The following C1orf226 variants were observed in gnomAD, a reference collection of about 807,000 sequenced individuals.
C1orf226 encodes the protein uncharacterized protein C1orf226.
In C1orf226, 4 loss-of-function variants were observed where a neutral mutation model predicts 10.5. That is an observed-to-expected ratio of 0.38 (90% CI 0.19 to 0.87). The LOEUF is 0.87. Ranked by LOEUF, C1orf226 falls within the 40% of genes least tolerant of loss-of-function variation. The pLI, the probability that C1orf226 is intolerant of heterozygous loss-of-function variation, is 0.41. For missense variants in C1orf226, 313 were observed against 336.2 expected (o/e 0.93, Z 0.54); for synonymous variants, 125 against 139.3 (o/e 0.90, Z 0.72).
In C1orf226 at chr1:162,383,306, C is replaced by G. The variant is rs752820807; in HGVS notation, c.442C>G (p.Leu148Val). The change falls in exon 2 of 2, where the codon CTG becomes GTG. Residue 148 changes from leucine to valine, a missense_variant. Coordinates refer to ENST00000458626, the MANE Select transcript of C1orf226 (RefSeq NM_001085375.2). ...LISSQPVLSS[L>V]EYGTEPSPGQ... ...TTCATCACAGCCTGTCCTCAGCAGT[C>G]TGGAGTATGGGACAGAGCCATCACC... is the stretch of plus-strand genomic sequence containing the variant. The G allele has an allele frequency of 1.2e-6, 2 of 1,613,278 alleles. No individual in the cohort carries two copies. The highest frequency in any genetic ancestry group is 1.7e-5 in the Admixed American group (1 of 59,924).
chr1:162,379,047 T>G (rs1248578602), upstream of C1orf226: 2 of 1,497,454 alleles, frequency 1.3e-6, no homozygotes, highest in South Asian at 1.2e-5. Context: ...ATATCCTGTT[T>G]TTTTGTGGAT....
chr1:162,381,324 A>T, upstream of C1orf226, among the ~76,000 whole-genome samples: 1 of 152,278 alleles, frequency 6.6e-6, no homozygotes, highest in South Asian at 2.1e-4. Flanking sequence ...CTGAACCACC[A>T]CTTAGCACCT....
chr1:162,379,647 G>A (rs1370883817), upstream of C1orf226, among the ~76,000 whole-genome samples: 1 of 152,166 alleles, frequency 6.6e-6, no homozygotes, highest in Non-Finnish European at 1.5e-5. Flanking sequence ...TGCATGGTAG[G>A]CTATCTTTAC....
At chr1:162,382,338 T>C in intron 1 of C1orf226, 120 bp downstream of exon 1, 2 of 1,294,196 alleles carry the variant, frequency 1.5e-6, no homozygotes, top group Non-Finnish European at 2.1e-6. Flanking sequence ...GAGATTGTCC[T>C]GTACTGAAAA....
chr1:162,379,004 C>T (rs1385325268), upstream of C1orf226: 1 of 1,550,870 alleles, frequency 6.4e-7, no homozygotes, highest in Admixed American at 2.0e-5. Context: ...TGTTTCCCAC[C>T]TGCTTTCCGA....
At chr1:162,379,082 T>C, upstream of C1orf226, 1 of 1,232,488 alleles carries the variant, frequency 8.1e-7, no homozygotes, top group Non-Finnish European at 1.2e-6. Context: ...GATGCCCTCC[T>C]CTGCTTGGGT....
chr1:162,382,808 G>A (rs79470253), intron 1 of C1orf226, among the ~76,000 whole-genome samples: 1 of 152,168 alleles, frequency 6.6e-6, no homozygotes, highest in East Asian at 1.9e-4. Flanking sequence ...CTACCAACAG[G>A]CTCTTTCCAG....
chr1:162,381,128 G>A (rs948604800), upstream of C1orf226, among the ~76,000 whole-genome samples: 2 of 152,232 alleles, frequency 1.3e-5, no homozygotes, highest in Non-Finnish European at 2.9e-5. Context: ...AGCCCTGCTA[G>A]TATTTAGCTG....
At chr1:162,382,492 G>T (rs1246966693) in intron 1 of C1orf226, among the ~76,000 whole-genome samples, 1 of 101,828 alleles carries the variant, frequency 9.8e-6, no homozygotes, top group South Asian at 3.7e-4. Context: ...TGTGCTGCAG[G>T]CTATAGTTGC....
rs1473213716 is a variant in C1orf226, at chr1:162,382,205, C to A, written c.304C>A (p.Leu102Ile). The A allele has an allele frequency of 6.4e-7, 1 of 1,571,030 alleles. No individual in the cohort carries two copies. Among genetic ancestry groups the A allele is most frequent in the South Asian group, 1.2e-5 (1 of 84,980 alleles). ...SGTDAAPEAW[L>I]EDERSVLQET... Reference sequence around the variant, plus strand: ...GACTGACGCGGCTCCAGAGGCTTGGCTAGAGGATGAAAGGTGAGCCCCTCA... The same window carrying A: ...GACTGACGCGGCTCCAGAGGCTTGGATAGAGGATGAAAGGTGAGCCCCTCA... The change falls in exon 1 of 2, where the codon CTA (leucine) becomes ATA (isoleucine). Residue 102 changes from leucine (L) to isoleucine (I), a missense_variant. Leu to Ile is a conservative substitution (Grantham distance 5, BLOSUM62 2). Transcript: ENST00000458626.
In C1orf226 at chr1:162,383,545, C is replaced by G; in HGVS notation, c.681C>G (p.Ile227Met). 2 of 1,606,264 alleles carry G rather than the reference C, an allele frequency of 1.2e-6. No individual in the cohort carries two copies. Among genetic ancestry groups the G allele is most frequent in the Non-Finnish European group, 1.7e-6 (2 of 1,176,006 alleles). The change falls in exon 2 of 2, where the codon ATC becomes ATG. Residue 227 changes from isoleucine to methionine, a missense_variant. Transcript: ENST00000458626. ...ECRRASSPSL[I>M]ERNGFKLSLS... ...GAAGGGCCTCCTCCCCCAGCCTTAT[C>G]GAGAGGAATGGCTTCAAACTCAGCT...
upstream of C1orf226, among the ~76,000 whole-genome samples, chr1:162,380,873 G>T (rs1037226501): frequency 6.6e-6 from 1 of 152,208 alleles, no homozygotes; most frequent in Non-Finnish European, 1.5e-5. Context: ...AGCACAGCTA[G>T]GTACCAAACC....
chr1:162,383,116 G>A, intron 1 of C1orf226, 66 bp from the exon 2 acceptor site: 1 of 1,469,458 alleles, frequency 6.8e-7, no homozygotes, highest in South Asian at 1.4e-5. Context: ...GGAGAAGCAA[G>A]ATGGCAGGTG....
upstream of C1orf226, among the ~76,000 whole-genome samples, chr1:162,380,396 A>C (rs529029479): frequency 6.6e-6 from 1 of 152,352 alleles, no homozygotes; most frequent in African/African-American, 2.4e-5. Context: ...AAAGGATAGC[A>C]CCACTGAAAC....
chr1:162,382,174 C>T lies in C1orf226; in HGVS notation c.273C>T (p.Ala91=), dbSNP rs1440084459. 1 of 1,588,720 alleles carries T rather than the reference C, an allele frequency of 6.3e-7. No homozygotes were observed. Among genetic ancestry groups the T allele is most frequent in the Non-Finnish European group, 8.6e-7 (1 of 1,167,672 alleles). The change falls in exon 1 of 2, where the codon GCC becomes GCT. Residue 91 remains alanine (A), a synonymous_variant. Coordinates refer to ENST00000458626, the MANE Select transcript of C1orf226 (RefSeq NM_001085375.2). ...EINKTAGAQL[A]SGTDAAPEAW... ...ACAAGACTGCAGGAGCACAGCTGGCCAGTGGGACTGACGCGGCTCCAGAGG... is the reference window on the plus strand; with the variant it reads ...ACAAGACTGCAGGAGCACAGCTGGCTAGTGGGACTGACGCGGCTCCAGAGG...
At position 162,383,402 on chromosome 1, in the gene C1orf226, A is replaced by G; in HGVS notation, c.538A>G (p.Thr180Ala). 1 of 1,592,286 alleles carries G rather than the reference A, an allele frequency of 6.3e-7. No individual in the cohort carries two copies. The highest frequency in any genetic ancestry group is 8.6e-7 in the Non-Finnish European group (1 of 1,169,230). Residue 180 changes from threonine to alanine, a missense_variant, in exon 2 of 2, where the codon ACC becomes GCC. Transcript: ENST00000458626. ...AGCAGACGCTTCACAGCCAGAGGCC[A>G]CCATGGAAAGAGAAGAGAGAGGCAA... ...VPADASQPEATMEREERGKVL... is the reference protein window; with the variant it reads ...VPADASQPEAAMEREERGKVL...
Position 162,383,511 on chromosome 1 carries a change from C to G in C1orf226, c.647C>G (p.Thr216Ser), listed in dbSNP as rs768734941. 1 of 1,604,916 alleles carries G rather than the reference C, an allele frequency of 6.2e-7. No individual in the cohort carries two copies. ...CAGGACGAATCCAAGCTAAAGATGA[C>G]TGAGTGCAGAAGGGCCTCCTCCCCC... is the stretch of plus-strand genomic sequence containing the variant. Reference protein sequence around the residue: ...DSQDESKLKMTECRRASSPSL... With the variant: ...DSQDESKLKMSECRRASSPSL... Residue 216 changes from threonine (T) to serine (S), a missense_variant, in exon 2 of 2, where the codon ACT (threonine) becomes AGT (serine). Thr to Ser is a moderately conservative substitution (Grantham distance 58, BLOSUM62 1). Transcript: ENST00000458626.
At position 162,383,776 on chromosome 1, in the gene C1orf226, C is replaced by T. The variant is rs1246415383; in HGVS notation, c.*93C>T. On this transcript the variant is annotated 3_prime_UTR_variant, in exon 2 of 2. Transcript: ENST00000458626. ...TGGCCCTGGCCTCAACTCCGCTGTG[C>T]CCTTTGTCTTCCTTGTATGAGGCAC... The T allele has an allele frequency of 1.5e-6, 2 of 1,303,260 alleles. No homozygotes were observed. The highest frequency in any genetic ancestry group is 2.1e-6 in the Non-Finnish European group (2 of 973,414). 80.7% of individuals were successfully genotyped at this position (1,303,260 alleles called of 1,614,324 possible).
rs760628235 is a variant in C1orf226, at chr1:162,381,859, A to G, written c.-43A>G. 3.1e-6 allele frequency: 5 copies of G among 1,606,408 alleles called. No homozygotes were observed. On this transcript the variant is annotated 5_prime_UTR_variant, in exon 1 of 2. Coordinates refer to ENST00000458626, the MANE Select transcript of C1orf226 (RefSeq NM_001085375.2). ...GCACAGGTACCGCTCCCCTTTCCTC[A>G]TCATGCCTCTCTGTCGCCTCTTTGT... is the stretch of plus-strand genomic sequence containing the variant.
Sources: allele counts gnomAD v4.1 joint callset (sites outside exome capture counted in the v4.1 genomes callset), GRCh38; gene constraint gnomAD v4.1.1; transcripts MANE v1.5; gene names NCBI Gene and HGNC (gene_info 2026-07-23, HGNC 2026-07-21).